NBEA: variants seen among roughly 807,000 people sequenced by gnomAD.
The protein encoded by NBEA is lysosomal-trafficking regulator 2.
A neutral mutation model predicts 343.4 loss-of-function variants in NBEA; 44 were observed. The ratio of observed to expected loss-of-function variants is 0.13; its 90% CI spans 0.10 to 0.16. The LOEUF (loss-of-function observed/expected upper bound fraction) is 0.16. NBEA is among the 10% of genes least tolerant of loss of function. The pLI, the probability that NBEA is intolerant of heterozygous loss-of-function variation, is 1.00. For synonymous variants in NBEA, 1,175 were observed against 1,238.7 expected, an observed-to-expected ratio of 0.95 and a Z score of 1.08; for missense variants, 2,555 against 3,631.3, an observed-to-expected ratio of 0.70 and a Z score of 7.62.
intron 36 of NBEA, among the ~76,000 whole-genome samples, chr13:35,344,591 A>G (rs1212667248): frequency 6.6e-6 from 1 of 152,076 alleles, no homozygotes; most frequent in Non-Finnish European, 1.5e-5. Flanking sequence ...AATTATAACC[A>G]AAACTAATTA....
intron 40 of NBEA, among the ~76,000 whole-genome samples, chr13:35,456,682 A>T (rs1049607273): frequency 3.3e-5 from 5 of 152,024 alleles, no homozygotes; most frequent in Non-Finnish European, 5.9e-5. Flanking sequence ...TAAGTGAAGG[A>T]TTTAATTAAA....
At chr13:35,425,098 G>C (rs1393542309) in intron 38 of NBEA, among the ~76,000 whole-genome samples, 2 of 152,048 alleles carry the variant, frequency 1.3e-5, no homozygotes, top group African/African-American at 2.4e-5. Context: ...CAGAAAACCA[G>C]CTCCTGGATT....
At chr13:35,025,523 T>C (rs962841038) in intron 1 of NBEA, among the ~76,000 whole-genome samples, 3 of 152,172 alleles carry the variant, frequency 2.0e-5, no homozygotes, top group Non-Finnish European at 4.4e-5. Context: ...TCCATTGGTC[T>C]GTGTGTCTGT....
At chr13:35,050,496 G>T in intron 6 of NBEA, 101 bp downstream of exon 6, 7 of 1,214,634 alleles carry the variant, frequency 5.8e-6, no homozygotes, top group African/African-American at 1.6e-5. Context: ...GTTTTCCTAT[G>T]CTTTTAATTG....
At chr13:35,111,897 G>GA (rs1422118142) in intron 13 of NBEA, among the ~76,000 whole-genome samples, 2 of 148,102 alleles carry the variant, frequency 1.4e-5, no homozygotes, top group Non-Finnish European at 3.0e-5. Context: ...CGTTGATAAG[G>GA]AAAAATAACA....
intron 10 of NBEA, among the ~76,000 whole-genome samples, chr13:35,095,767 A>G (rs1437382066): frequency 2.6e-5 from 4 of 151,974 alleles, no homozygotes; most frequent in Admixed American, 6.6e-5. Context: ...CTTTTGGTCT[A>G]TGAAGTAAAA....
rs2070948685 is a variant in NBEA, at chr13:35,176,986, A to C, written c.4555-10A>C. The C allele has an allele frequency of 5.9e-6, 9 of 1,520,614 alleles. No individual in the cohort carries two copies. The highest frequency in any genetic ancestry group is 6.3e-6 in the Non-Finnish European group (7 of 1,111,166). The allele number at this position is 1,520,614 out of a possible 1,614,324, so 94.2% of individuals were successfully genotyped here. A position where few individuals can be genotyped will look rare whatever the true frequency, so the allele number is the denominator to read the frequency against. ...ATATTATCTATTCACAATTCTTTTT[A>C]TTTTCAAAGACTCCATTGGAAAATG... is the stretch of plus-strand genomic sequence containing the variant. On this transcript the variant is annotated splice_polypyrimidine_tract_variant and intron_variant, in intron 27 of 58. Coordinates refer to ENST00000379939, the MANE Select transcript of NBEA (RefSeq NM_001385012.1).
chr13:35,582,250 C>T (rs1029031999), intron 45 of NBEA, among the ~76,000 whole-genome samples: 2 of 152,076 alleles, frequency 1.3e-5, no homozygotes, highest in Non-Finnish European at 2.9e-5. Flanking sequence ...CGCGCCACTG[C>T]ACTCCAGCCT....
chr13:35,294,415 A>G (rs189882456), intron 35 of NBEA, among the ~76,000 whole-genome samples: 3 of 152,220 alleles, frequency 2.0e-5, no homozygotes, highest in East Asian at 1.9e-4. Context: ...AAAAATATTC[A>G]TTGTAAGTAC....
At chr13:35,275,600 A>G (rs1012333602) in intron 34 of NBEA, among the ~76,000 whole-genome samples, 2 of 152,188 alleles carry the variant, frequency 1.3e-5, no homozygotes, top group African/African-American at 4.8e-5. Flanking sequence ...TTTGCAATCT[A>G]CTCATCTGAC....
rs1234835727 is a variant in NBEA, at chr13:35,550,564, A to G, written c.6673A>G (p.Thr2225Ala). The change falls in exon 42 of 59, where the codon ACT becomes GCT. Residue 2225 changes from threonine (T) to alanine (A), a missense_variant. Thr to Ala is a moderately conservative substitution (Grantham distance 58, BLOSUM62 0). Transcript: ENST00000379939. ...VFSRRYLLQN[T>A]ALEVFMANRT... is the part of the protein sequence containing the mutation. ...TTCAAGACGTTACCTTCTACAAAAC[A>G]CTGCTTTGGAAGTATTTATGGCAAA... 4 of 1,612,810 alleles carry G rather than the reference A, an allele frequency of 2.5e-6. No homozygotes were observed. In the Middle Eastern group the frequency reaches 4.9e-4, roughly 200 times the overall value.
At chr13:35,545,782 C>T (rs530992499) in intron 41 of NBEA, among the ~76,000 whole-genome samples, 160 of 152,230 alleles carry the variant, frequency 1.1e-3, no homozygotes, top group Middle Eastern at 3.4e-3. Context: ...TGGATCTAAT[C>T]CAGTCGAAAG....
intron 34 of NBEA, among the ~76,000 whole-genome samples, chr13:35,283,336 A>G (rs780369642): frequency 6.6e-6 from 1 of 152,156 alleles, no homozygotes; most frequent in Non-Finnish European, 1.5e-5. Flanking sequence ...TGTAACTACA[A>G]TTAAACTTAA....
At chr13:35,086,621 T>C (rs2064779450) in intron 10 of NBEA, among the ~76,000 whole-genome samples, 1 of 151,970 alleles carries the variant, frequency 6.6e-6, no homozygotes, top group Non-Finnish European at 1.5e-5. Context: ...GTTAAACATG[T>C]GAGTGCGTGT....
chr13:35,093,328 A>G (rs953512445), intron 10 of NBEA, among the ~76,000 whole-genome samples: 5 of 151,316 alleles, frequency 3.3e-5, no homozygotes, highest in Admixed American at 6.6e-5. Context: ...AAAAAAAAAA[A>G]AGAGAAATTT....
chr13:35,286,394 C>A (rs991624940), intron 34 of NBEA, among the ~76,000 whole-genome samples: 2 of 152,020 alleles, frequency 1.3e-5, no homozygotes, highest in Admixed American at 1.3e-4. Context: ...GTCAGAGTCT[C>A]CTCTCTTGGA....
intron 34 of NBEA, among the ~76,000 whole-genome samples, chr13:35,267,879 T>C (rs2033818326): frequency 6.6e-6 from 1 of 151,448 alleles, no homozygotes; most frequent in African/African-American, 2.4e-5. Flanking sequence ...GGTAAGGTTG[T>C]GGAATAACTT....
At chr13:35,503,518 T>G (rs566406656) in intron 41 of NBEA, among the ~76,000 whole-genome samples, 2 of 152,116 alleles carry the variant, frequency 1.3e-5, no homozygotes, top group East Asian at 3.9e-4. Context: ...TAATAATAAC[T>G]AATCACCTAC....
At chr13:35,636,478 G>A (rs556369167) in intron 49 of NBEA, among the ~76,000 whole-genome samples, 1 of 152,162 alleles carries the variant, frequency 6.6e-6, no homozygotes, top group Admixed American at 6.5e-5. Flanking sequence ...GTAAACCTGT[G>A]TCTCAATGTC....
Sources: gnomAD v4.1 joint callset for allele counts (sites outside exome capture counted in the v4.1 genomes callset) on GRCh38, gnomAD v4.1.1 for gene constraint, MANE v1.5 for transcripts, NCBI Gene and HGNC (gene_info 2026-07-23, HGNC 2026-07-21) for gene names.